Variants in SPATA33 observed in about 807,000 individuals in gnomAD.
SPATA33 encodes spermatogenesis associated 33, also known as spermatogenesis-associated protein 33.
SPATA33 carries 10 observed loss-of-function variants against 8.9 expected under a neutral mutation model. The ratio of observed to expected loss-of-function variants is 1.12; its 90% CI spans 0.69 to 1.90. The LOEUF (loss-of-function observed/expected upper bound fraction) is 1.90, where lower values mean the gene tolerates loss of function less well. Ranked by LOEUF, SPATA33 falls within the 40% of genes most tolerant of loss-of-function variation. The pLI is 0.00. For missense variants in SPATA33, 241 were observed against 178.3 expected, an observed-to-expected ratio of 1.35 and a Z score of -2.00; for synonymous variants, 96 against 72.8, an observed-to-expected ratio of 1.32 and a Z score of -1.63.
chr16:89,663,579 A>G (rs1038860133), intron 2 of SPATA33, among the ~76,000 whole-genome samples: 2 of 152,084 alleles, frequency 1.3e-5, no homozygotes, highest in Admixed American at 6.6e-5. Flanking sequence ...CTGAATGACA[A>G]AATTATAGAC....
intron 2 of SPATA33, chr16:89,660,249 A>G (rs903979784): frequency 4.4e-5 from 15 of 342,906 alleles, no homozygotes; most frequent in African/African-American, 2.7e-4. Context: ...TCCTTGCTTC[A>G]TATTAGCAAG....
chr16:89,664,947 G>T (rs1305316209), intron 2 of SPATA33, among the ~76,000 whole-genome samples: 1 of 152,212 alleles, frequency 6.6e-6, no homozygotes, highest in Admixed American at 6.5e-5. Context: ...GTGATTTGTT[G>T]TGCAGCAATA....
Position 89,669,287 on chromosome 16 carries a change from G to A in SPATA33, c.213G>A (p.Glu71=). The change falls in exon 3 of 3, where the codon GAG becomes GAA. Residue 71 remains glutamate, a splice_region_variant and synonymous_variant. Transcript: ENST00000579310. ...KHPPPAASLE[E]KPDVKQKSSR... is the part of the protein sequence containing the mutation. ...ATGCCTGGATGTTTTTTCCTCTAGA[G>A]AAACCTGATGTAAAGCAAAAGTCCA... 1 of 1,614,126 alleles carries A rather than the reference G, an allele frequency of 6.2e-7. No homozygotes were observed. Among genetic ancestry groups the A allele is most frequent in the Non-Finnish European group, 8.5e-7 (1 of 1,179,994 alleles).
At chr16:89,657,800 C>T, upstream of SPATA33, 2 of 1,483,014 alleles carry the variant, frequency 1.3e-6, no homozygotes, top group Non-Finnish European at 1.8e-6. Flanking sequence ...CGCGCGGTCG[C>T]CATGGTGACG....
chr16:89,658,056 C>G, intron 1 of SPATA33, 108 bp downstream of exon 1: 1 of 1,455,312 alleles, frequency 6.9e-7, no homozygotes, highest in South Asian at 1.5e-5. Context: ...CAGGCTCGGC[C>G]CGGTGCGAAC....
chr16:89,658,072 C>G (rs773086491), intron 1 of SPATA33, 124 bp downstream of exon 1: 7 of 1,469,118 alleles, frequency 4.8e-6, no homozygotes, highest in Non-Finnish European at 5.4e-6. Flanking sequence ...CGAACCGTTC[C>G]TGCCGCCGAG....
intron 2 of SPATA33, among the ~76,000 whole-genome samples, chr16:89,661,684 A>G (rs1335208635): frequency 6.6e-6 from 1 of 152,194 alleles, no homozygotes; most frequent in Non-Finnish European, 1.5e-5. Flanking sequence ...CTTATTCCAC[A>G]ATGTTGGAAA....
chr16:89,669,106 G>A (rs1437795238), intron 2 of SPATA33, among the ~76,000 whole-genome samples, 180 bp from the exon 3 acceptor site: 2 of 152,162 alleles, frequency 1.3e-5, no homozygotes, highest in Admixed American at 1.3e-4. Flanking sequence ...TCATGGCTGA[G>A]TTGCACATCC....
chr16:89,660,447 G>A, intron 2 of SPATA33: 3 of 1,231,488 alleles, frequency 2.4e-6, no homozygotes, highest in Non-Finnish European at 3.0e-6. Context: ...CCAGAGGGTG[G>A]GGGAGGAAGG....
chr16:89,667,765 G>C (rs2060045506), intron 2 of SPATA33, among the ~76,000 whole-genome samples: 1 of 152,242 alleles, frequency 6.6e-6, no homozygotes, highest in South Asian at 2.1e-4. Context: ...AGGCAGAGGG[G>C]GAGGCCAAGG....
At position 89,669,521 on chromosome 16, in the gene SPATA33, G is replaced by C. The variant is rs748068346; in HGVS notation, c.*24G>C. 12 of 1,606,014 alleles carry C rather than the reference G, an allele frequency of 7.5e-6. No homozygotes were observed. In the South Asian group the frequency reaches 1.3e-4, roughly 18 times the overall value. On this transcript the variant is annotated 3_prime_UTR_variant, in exon 3 of 3. Coordinates refer to ENST00000579310, the MANE Select transcript of SPATA33 (RefSeq NM_001271907.2). ...AAACAAGCACCTTTGCATGGCACTC[G>C]CTACTCCCTGCGATAGGCGTCTCGG... is the stretch of plus-strand genomic sequence containing the variant.
intron 1 of SPATA33, 88 bp downstream of exon 1, chr16:89,658,036 G>T: frequency 6.8e-7 from 1 of 1,460,832 alleles, no homozygotes; most frequent in Non-Finnish European, 8.9e-7. Context: ...GGCGGTGTGA[G>T]CGCAGGCGCC....
intron 2 of SPATA33, among the ~76,000 whole-genome samples, chr16:89,665,833 C>G (rs2060018909): frequency 6.6e-6 from 1 of 152,018 alleles, no homozygotes; most frequent in African/African-American, 2.4e-5. Flanking sequence ...GTAATCCCGG[C>G]ACTTTGGAGG....
chr16:89,669,758 AG>A lies in SPATA33; in HGVS notation c.*262del. ...GTGCACCAGGCCTGCCCCCGCCGTG[AG>A]AAACTGCAGTCCCCTTCTCCAGTGC... On this transcript the variant is annotated 3_prime_UTR_variant, in exon 3 of 3. Transcript: ENST00000579310. 1 of 451,670 alleles carries A rather than the reference AG, an allele frequency of 2.2e-6. No individual in the cohort carries two copies. The highest frequency in any genetic ancestry group is 3.9e-6 in the Non-Finnish European group (1 of 253,564). The allele number at this position is 451,670 out of a possible 1,614,324, so 28.0% of individuals were successfully genotyped here. A position where few individuals can be genotyped will look rare whatever the true frequency, so the allele number is the denominator to read the frequency against.
chr16:89,661,172 GC>G, intron 2 of SPATA33: 1 of 985,460 alleles, frequency 1.0e-6, no homozygotes. Context: ...AGAAAGTTTG[GC>G]CATAAGTTAA....
chr16:89,669,651 C>G lies in SPATA33; in HGVS notation c.*154C>G. On this transcript the variant is annotated 3_prime_UTR_variant, in exon 3 of 3. Coordinates refer to ENST00000579310, the MANE Select transcript of SPATA33 (RefSeq NM_001271907.2). ...CTGTGAGAAACTGCAGCCCCCTTCT[C>G]CAGTGCTTTCGGGGAGGGTGCACCA... is the stretch of plus-strand genomic sequence containing the variant. 1.4e-6 allele frequency: 1 copy of G among 722,050 alleles called. No individual in the cohort carries two copies. The highest frequency in any genetic ancestry group is 2.2e-6 in the Non-Finnish European group (1 of 447,400). 44.7% of individuals were successfully genotyped at this position (722,050 alleles called of 1,614,324 possible).
chr16:89,668,011 G>A (rs560560310), intron 2 of SPATA33: 3 of 152,400 alleles, frequency 2.0e-5, no homozygotes, highest in Non-Finnish European at 2.9e-5. Context: ...ACAGGCACGC[G>A]ATAAAAGCCA....
chr16:89,668,744 G>T (rs1235647909), intron 2 of SPATA33, among the ~76,000 whole-genome samples: 2 of 152,268 alleles, frequency 1.3e-5, no homozygotes, highest in African/African-American at 4.8e-5. Flanking sequence ...AGAGCAGCCG[G>T]TGAAGGAGCA....
chr16:89,662,390 A>G (rs1440122787), intron 2 of SPATA33, among the ~76,000 whole-genome samples: 1 of 151,378 alleles, frequency 6.6e-6, no homozygotes, highest in Admixed American at 6.6e-5. Flanking sequence ...GTGCTCATTC[A>G]CTATTCTATT....
Sources: allele counts gnomAD v4.1 joint callset (sites outside exome capture counted in the v4.1 genomes callset), GRCh38; gene constraint gnomAD v4.1.1; transcripts MANE v1.5; gene names NCBI Gene and HGNC (gene_info 2026-07-23, HGNC 2026-07-21).